PCDHA1: variants seen among roughly 807,000 people sequenced by gnomAD.
PCDHA1 encodes the protein protocadherin alpha-1.
PCDHA1 carries 42 observed loss-of-function variants against 61.3 expected under a neutral mutation model. The observed-to-expected ratio is 0.69, with a 90% CI of 0.54 to 0.89. The LOEUF is 0.89. Among genes scored for constraint, PCDHA1 ranks in the 40% least tolerant of loss-of-function variants. The pLI is 0.00. For missense variants in PCDHA1, 1,256 were observed against 1,235.3 expected, an observed-to-expected ratio of 1.02 and a Z score of -0.25; for synonymous variants, 610 against 553.8, an observed-to-expected ratio of 1.10 and a Z score of -1.43.
intron 1 of PCDHA1, among the ~76,000 whole-genome samples, chr5:140,933,667 C>A (rs2089323484): frequency 6.6e-6 from 1 of 151,936 alleles, no homozygotes. Flanking sequence ...CTCTCTCTGT[C>A]TCTCTCACAT....
chr5:140,824,628 T>TTTTTTTTTTG (rs1768286843), intron 1 of PCDHA1: 1 of 131,392 alleles, frequency 7.6e-6, no homozygotes, highest in African/African-American at 3.5e-5. Flanking sequence ...TTTTTTTTTT[T>TTTTTTTTTTG]TTTTATTTTC....
chr5:140,899,267 G>C lies in PCDHA1; in HGVS notation c.2395-79682G>C, dbSNP rs1397421903. Among the ~76,000 whole-genome samples, 367 of 152,064 alleles carry C rather than the reference G, an allele frequency of 2.4e-3. 2 individuals carry two copies. The highest frequency in any genetic ancestry group is 8.5e-3 in the African/African-American group (354 of 41,454). On this transcript the variant is annotated intron_variant, in intron 1 of 3. Coordinates refer to ENST00000504120, the MANE Select transcript of PCDHA1 (RefSeq NM_018900.4). ...TGAGAGAGGGCATCCCTGTCTTGTGGCAGTTTTCAAAGGGAATACTTCCAG... is the reference window on the plus strand; with the variant it reads ...TGAGAGAGGGCATCCCTGTCTTGTGCCAGTTTTCAAAGGGAATACTTCCAG...
At position 140,882,350 on chromosome 5, in the gene PCDHA1, A is replaced by G. The variant is rs782733540; in HGVS notation, c.2394+93666A>G. ...GATCCTCGCAGCCTGGGAGACGGGT[A>G]GTGGCCAGCTCCACTACTCCGTCCC... is the stretch of plus-strand genomic sequence containing the variant. On this transcript the variant is annotated intron_variant, in intron 1 of 3. Transcript: ENST00000504120. The G allele has an allele frequency of 1.9e-6, 3 of 1,614,176 alleles. No individual in the cohort carries two copies. In the Admixed American group the frequency reaches 5.0e-5, roughly 27 times the overall value.
At chr5:140,968,263 G>A (rs782272055) in intron 1 of PCDHA1, 20 of 1,613,978 alleles carry the variant, frequency 1.2e-5, no homozygotes, top group Middle Eastern at 3.3e-4. Flanking sequence ...CAGATGAAAA[G>A]GAGAATGCAG....
rs2150119748 is a variant in PCDHA1, at chr5:140,822,840, C to T, written c.2394+34156C>T. 2.5e-5 allele frequency: 40 copies of T among 1,614,188 alleles called. 1 individual carries two copies. The South Asian group carries it at 4.3e-4, about 17-fold the overall frequency. On this transcript the variant is annotated intron_variant, in intron 1 of 3. Transcript: ENST00000504120. ...CAGAGATGGCCATAACCACCCTTTT[C>T]CTGCCTGTCAAAGAGGACGCTCCAC... is the stretch of plus-strand genomic sequence containing the variant.
chr5:140,800,923 T>C, intron 1 of PCDHA1: 1 of 693,390 alleles, frequency 1.4e-6, no homozygotes, highest in East Asian at 3.9e-5. Context: ...CAATTGAAAC[T>C]AGAAATTTTG....
intron 3 of PCDHA1, among the ~76,000 whole-genome samples, chr5:140,996,928 G>A (rs114173550): frequency 6.6e-6 from 1 of 152,032 alleles, no homozygotes; most frequent in African/African-American, 2.4e-5. Flanking sequence ...AAAAAATATA[G>A]CATTTTTGCA....
In PCDHA1 at chr5:140,787,977, C is replaced by A; in HGVS notation, c.1687C>A (p.Pro563Thr). The A allele has an allele frequency of 1.2e-6, 2 of 1,614,000 alleles. No individual in the cohort carries two copies. Among genetic ancestry groups the A allele is most frequent in the Non-Finnish European group, 1.7e-6 (2 of 1,179,906 alleles). The change falls in exon 1 of 4, where the codon CCG (proline) becomes ACG (threonine). Residue 563 changes from proline to threonine, a missense_variant. Physicochemically the swap from Pro to Thr is conservative, Grantham distance 38. Coordinates refer to ENST00000504120, the MANE Select transcript of PCDHA1 (RefSeq NM_018900.4). ...VFVLDENDNAPALLAPRVGGT... is the reference protein window; with the variant it reads ...VFVLDENDNATALLAPRVGGT... ...CGTGCTGGACGAGAACGACAACGCGCCGGCGCTGCTGGCGCCTCGAGTGGG... is the reference window on the plus strand; with the variant it reads ...CGTGCTGGACGAGAACGACAACGCGACGGCGCTGCTGGCGCCTCGAGTGGG...
intron 1 of PCDHA1, chr5:140,870,529 G>C: frequency 6.2e-7 from 1 of 1,614,214 alleles, no homozygotes. Flanking sequence ...CATCTTCACA[G>C]TGTCGGCGCG....
intron 1 of PCDHA1, among the ~76,000 whole-genome samples, chr5:140,913,241 T>C (rs1325092057): frequency 6.6e-6 from 1 of 152,226 alleles, no homozygotes; most frequent in African/African-American, 2.4e-5. Context: ...GGGAGACTTT[T>C]TGTTACAACT....
At chr5:140,918,793 A>G (rs155800) in intron 1 of PCDHA1, among the ~76,000 whole-genome samples, 49,687 of 146,416 alleles carry the variant, frequency 0.34, 8,402 homozygotes, top group East Asian at 0.54. Context: ...GACACAGCAA[A>G]AATGTGACAT....
At chr5:140,871,530 T>C (rs188075654) in intron 1 of PCDHA1, 2 of 1,514,446 alleles carry the variant, frequency 1.3e-6, no homozygotes, top group Admixed American at 4.8e-5. Flanking sequence ...TCAGGAAGTG[T>C]ATGTGAAATT....
chr5:140,822,805 G>T (rs2150119492), intron 1 of PCDHA1: 2 of 1,614,160 alleles, frequency 1.2e-6, no homozygotes, highest in Non-Finnish European at 1.7e-6. Context: ...GGATGTGAAT[G>T]ATAATACCCC....
chr5:140,836,655 G>T (rs1774657436), intron 1 of PCDHA1: 1 of 1,613,354 alleles, frequency 6.2e-7, no homozygotes, highest in African/African-American at 1.3e-5. Context: ...GCGGCAGAGG[G>T]TGTGCTCTGG....
chr5:140,836,424 C>T (rs2150260544), intron 1 of PCDHA1: 2 of 1,613,814 alleles, frequency 1.2e-6, no homozygotes, highest in Non-Finnish European at 1.7e-6. Flanking sequence ...GGCGTCGTCG[C>T]GGGCATCGTT....
At chr5:140,857,932 C>T in intron 1 of PCDHA1, 1 of 1,597,630 alleles carries the variant, frequency 6.3e-7, no homozygotes, top group East Asian at 2.2e-5. Flanking sequence ...TGTACACGGG[C>T]GAGATCAGTA....
chr5:140,857,769 G>A, intron 1 of PCDHA1: 1 of 1,597,600 alleles, frequency 6.3e-7, no homozygotes, highest in Non-Finnish European at 8.6e-7. Context: ...AGCGCGGGCG[G>A]TGCAGTCAGT....
chr5:140,822,318 T>G, intron 1 of PCDHA1: 1 of 1,614,174 alleles, frequency 6.2e-7, no homozygotes, highest in Non-Finnish European at 8.5e-7. Flanking sequence ...ACTTAGATGT[T>G]AAAACAAATG....
At chr5:140,789,216 G>A (rs1446838972) in intron 1 of PCDHA1, among the ~76,000 whole-genome samples, 1 of 152,204 alleles carries the variant, frequency 6.6e-6, no homozygotes, top group African/African-American at 2.4e-5. Flanking sequence ...TTGGGAGGCC[G>A]AGGAGGGCGT....
Sources: gnomAD v4.1 joint callset for allele counts (sites outside exome capture counted in the v4.1 genomes callset) on GRCh38, gnomAD v4.1.1 for gene constraint, MANE v1.5 for transcripts, NCBI Gene and HGNC (gene_info 2026-07-23, HGNC 2026-07-21) for gene names.